The following MACROD2 variants were observed in gnomAD, a reference collection of about 807,000 sequenced individuals.
MACROD2 encodes the protein ADP-ribose glycohydrolase MACROD2.
MACROD2 carries 36 observed loss-of-function variants against 70.4 expected under a neutral mutation model. That is an observed-to-expected ratio of 0.51 (90% CI 0.39 to 0.68). MACROD2 has a LOEUF of 0.68. Ranked by LOEUF, MACROD2 falls within the 30% of genes least tolerant of loss-of-function variation. The pLI, the probability that MACROD2 is intolerant of heterozygous loss-of-function variation, is 0.00. For missense variants in MACROD2, 496 were observed against 538.4 expected (o/e 0.92, Z 0.78); for synonymous variants, 172 against 178.8 (o/e 0.96, Z 0.30).
intron 10 of MACROD2, among the ~76,000 whole-genome samples, chr20:15,927,290 A>G (rs1256701775): frequency 1.3e-5 from 2 of 152,160 alleles, no homozygotes; most frequent in East Asian, 1.9e-4. Flanking sequence ...TTAACAGATA[A>G]GGCACTGTGC....
intron 3 of MACROD2, among the ~76,000 whole-genome samples, chr20:14,226,877 G>A (rs1030897927): frequency 3.9e-5 from 6 of 152,232 alleles, no homozygotes; most frequent in Non-Finnish European, 5.9e-5. Flanking sequence ...ACCACCCAAG[G>A]GCTGAGGAGT....
chr20:15,088,064 GA>G (rs1443971899), intron 5 of MACROD2, among the ~76,000 whole-genome samples: 1 of 151,802 alleles, frequency 6.6e-6, no homozygotes, highest in East Asian at 1.9e-4. Context: ...TTTTTAAAGG[GA>G]AAGTGAATTG....
chr20:14,154,552 ATTT>A (rs869299523), intron 3 of MACROD2, among the ~76,000 whole-genome samples: 2 of 106,634 alleles, frequency 1.9e-5, no homozygotes, highest in African/African-American at 3.7e-5. Context: ...CGCCCGGCTA[ATTT>A]TTTTTTTTTT....
At chr20:14,526,867 A>G (rs1176072794) in intron 4 of MACROD2, among the ~76,000 whole-genome samples, 1 of 152,220 alleles carries the variant, frequency 6.6e-6, no homozygotes, top group Non-Finnish European at 1.5e-5. Context: ...GTGCTTTTTT[A>G]GTTTAGCCAT....
chr20:15,178,769 C>A (rs976593188), intron 5 of MACROD2, among the ~76,000 whole-genome samples: 1 of 152,184 alleles, frequency 6.6e-6, no homozygotes, highest in African/African-American at 2.4e-5. Flanking sequence ...CTACAGCAGG[C>A]CAAGCTGCCA....
At chr20:15,400,864 G>GT (rs1457106742) in intron 6 of MACROD2, among the ~76,000 whole-genome samples, 1 of 152,194 alleles carries the variant, frequency 6.6e-6, no homozygotes, top group African/African-American at 2.4e-5. Flanking sequence ...AGAAAATGGA[G>GT]AAGCATAGTT....
At chr20:14,356,113 G>T (rs775903829) in intron 3 of MACROD2, among the ~76,000 whole-genome samples, 2 of 152,130 alleles carry the variant, frequency 1.3e-5, no homozygotes, top group African/African-American at 2.4e-5. Flanking sequence ...GCCTAGTTCT[G>T]CCACTTGTGA....
intron 3 of MACROD2, chr20:14,327,251 C>T: frequency 6.2e-7 from 1 of 1,613,748 alleles, no homozygotes; most frequent in South Asian, 1.1e-5. Flanking sequence ...TATATTCTTT[C>T]TACTTTCAGC....
chr20:15,901,405 C>T (rs1466323324), intron 10 of MACROD2, among the ~76,000 whole-genome samples: 1 of 152,128 alleles, frequency 6.6e-6, no homozygotes, highest in Non-Finnish European at 1.5e-5. Context: ...TGATGTTCTC[C>T]TGGACTCTCG....
intron 6 of MACROD2, among the ~76,000 whole-genome samples, chr20:15,373,811 A>G (rs916841946): frequency 1.6e-4 from 25 of 152,302 alleles, no homozygotes; most frequent in Middle Eastern, 3.4e-3. Context: ...GAGTCCTCCA[A>G]TCCACAAACA....
At chr20:15,350,110 T>C (rs1050403808) in intron 6 of MACROD2, among the ~76,000 whole-genome samples, 1 of 152,178 alleles carries the variant, frequency 6.6e-6, no homozygotes. Context: ...GTGGTTAACT[T>C]GGAGATTTAA....
intron 8 of MACROD2, among the ~76,000 whole-genome samples, chr20:15,814,646 C>A (rs1340931718): frequency 2.0e-5 from 3 of 152,230 alleles, no homozygotes; most frequent in Non-Finnish European, 4.4e-5. Context: ...ACTACTATTT[C>A]TGTTCATAAC....
At chr20:14,503,494 T>C (rs2084936099) in intron 4 of MACROD2, among the ~76,000 whole-genome samples, 1 of 152,148 alleles carries the variant, frequency 6.6e-6, no homozygotes, top group Non-Finnish European at 1.5e-5. Flanking sequence ...ATGGAGCTTA[T>C]GCATGGGGAG....
chr20:14,522,224 C>T (rs113345642), intron 4 of MACROD2, among the ~76,000 whole-genome samples: 302 of 152,190 alleles, frequency 2.0e-3, no homozygotes, highest in African/African-American at 6.9e-3. Flanking sequence ...TCAAGATGGC[C>T]ATACATAACA....
chr20:14,702,877 G>T (rs941894207), intron 5 of MACROD2, among the ~76,000 whole-genome samples: 9 of 150,988 alleles, frequency 6.0e-5, no homozygotes, highest in African/African-American at 2.2e-4. Flanking sequence ...ATAGGTGCCT[G>T]CCACCACACC....
chr20:15,889,859 C>G (rs1207910146), intron 10 of MACROD2, among the ~76,000 whole-genome samples: 2 of 152,228 alleles, frequency 1.3e-5, no homozygotes, highest in East Asian at 3.9e-4. Context: ...CCACCCTCTG[C>G]CAGACACAGG....
At chr20:14,753,027 T>C (rs915505215) in intron 5 of MACROD2, among the ~76,000 whole-genome samples, 2 of 152,088 alleles carry the variant, frequency 1.3e-5, no homozygotes, top group African/African-American at 4.8e-5. Context: ...GTTTGAGGGT[T>C]GCACTCACTT....
In MACROD2 at chr20:14,062,545, G is replaced by A. The variant is rs1365329950; in HGVS notation, c.164-23076G>A. ...GAACAATATTTGCAAAGACATGGAAGCATTAAAGAGACATTTGATGAGATC... is the reference window on the plus strand; with the variant it reads ...GAACAATATTTGCAAAGACATGGAAACATTAAAGAGACATTTGATGAGATC... On this transcript the variant is annotated intron_variant, in intron 2 of 17. Coordinates refer to ENST00000684519, the MANE Select transcript of MACROD2 (RefSeq NM_001351661.2). Among the ~76,000 whole-genome samples, 3 of 152,154 alleles carry A rather than the reference G, an allele frequency of 2.0e-5. No homozygotes were observed. In the East Asian group the frequency reaches 5.8e-4, roughly 29 times the overall value.
chr20:14,295,233 C>T (rs939091236), intron 3 of MACROD2, among the ~76,000 whole-genome samples: 2 of 151,822 alleles, frequency 1.3e-5, no homozygotes, highest in South Asian at 2.1e-4. Context: ...GTTAGGAAAA[C>T]GACTTGTACT....
Sources: allele counts gnomAD v4.1 joint callset (sites outside exome capture counted in the v4.1 genomes callset), GRCh38; gene constraint gnomAD v4.1.1; transcripts MANE v1.5; gene names NCBI Gene and HGNC (gene_info 2026-07-23, HGNC 2026-07-21).